The following THSD7B variants were observed in gnomAD, a reference collection of about 807,000 sequenced individuals.
THSD7B encodes the protein thrombospondin type-1 domain-containing protein 7B.
Under a neutral mutation model 213.6 loss-of-function variants are expected in THSD7B, and 138 were observed. The ratio of observed to expected loss-of-function variants is 0.65; its 90% confidence interval spans 0.56 to 0.74. THSD7B has a LOEUF of 0.74. Ranked by LOEUF, THSD7B falls within the 30% of genes least tolerant of loss-of-function variation. The pLI, the probability that THSD7B is intolerant of heterozygous loss-of-function variation, is 0.00. For synonymous variants in THSD7B, 742 were observed against 687.0 expected (o/e 1.08, Z -1.25); for missense variants, 1,931 against 1,991.5 (o/e 0.97, Z 0.58).
intron 26 of THSD7B, among the ~76,000 whole-genome samples, chr2:137,664,350 C>A (rs147306429): frequency 6.6e-6 from 1 of 152,132 alleles, no homozygotes; most frequent in African/African-American, 2.4e-5. Context: ...TTACTGGACC[C>A]ATGGCTTACA....
intron 2 of THSD7B, among the ~76,000 whole-genome samples, chr2:136,905,280 C>T (rs1309396552): frequency 2.0e-5 from 3 of 152,120 alleles, no homozygotes; most frequent in South Asian, 2.1e-4. Flanking sequence ...TTCCATGGTA[C>T]TTATTGTGTT....
intron 5 of THSD7B, among the ~76,000 whole-genome samples, chr2:137,159,598 G>A (rs779337278): frequency 2.0e-5 from 3 of 152,116 alleles, no homozygotes; most frequent in African/African-American, 7.2e-5. Context: ...TGCACACCAG[G>A]AAGAGACAGA....
rs577061694 is a variant in THSD7B at position 137,308,010 on chromosome 2, G to A, written c.2500+31984G>A. Among the ~76,000 whole-genome samples, 78 of 152,090 alleles carry A rather than the reference G, an allele frequency of 5.1e-4. 1 individual carries two copies. The Middle Eastern group carries it at 0.017, about 33-fold the overall frequency. On this transcript the variant is annotated intron_variant, in intron 12 of 27. Coordinates refer to ENST00000409968, the MANE Select transcript of THSD7B (RefSeq NM_001316349.2). ...ATAGGGCAACCATTTTCTACCATGC[G>A]AGTCCTTTATCAATCTATCCCGATG...
chr2:137,618,616 A>C, intron 19 of THSD7B, 109 bp downstream of exon 19: 4 of 996,334 alleles, frequency 4.0e-6, no homozygotes, highest in South Asian at 1.6e-5. Flanking sequence ...TTCTCATCTC[A>C]GCTTAGGTTC....
chr2:136,803,725 G>T (rs1682230525), intron 1 of THSD7B, among the ~76,000 whole-genome samples: 1 of 152,164 alleles, frequency 6.6e-6, no homozygotes, highest in African/African-American at 2.4e-5. Context: ...TCTTCACGCT[G>T]AAGAACATGG....
intron 12 of THSD7B, among the ~76,000 whole-genome samples, chr2:137,344,646 A>G (rs377147130): frequency 3.3e-5 from 5 of 151,624 alleles, no homozygotes; most frequent in Admixed American, 1.3e-4. Context: ...TTTGGAGGAG[A>G]TATCACCAGT....
chr2:137,510,208 A>G (rs1240629007), intron 15 of THSD7B, among the ~76,000 whole-genome samples: 1 of 152,026 alleles, frequency 6.6e-6, no homozygotes, highest in African/African-American at 2.4e-5. Context: ...TATTCTTTCT[A>G]TCTTCGATGA....
chr2:136,861,625 T>C (rs1385447678), intron 1 of THSD7B, among the ~76,000 whole-genome samples: 4 of 152,224 alleles, frequency 2.6e-5, no homozygotes, highest in Admixed American at 2.0e-4. Flanking sequence ...TAATCAAATG[T>C]CTACTCTGTA....
intron 12 of THSD7B, among the ~76,000 whole-genome samples, chr2:137,374,510 C>T (rs1002396107): frequency 2.0e-5 from 3 of 152,124 alleles, no homozygotes; most frequent in Admixed American, 1.3e-4. Flanking sequence ...CCATCTTTAT[C>T]GGTAAGTCCA....
intron 12 of THSD7B, among the ~76,000 whole-genome samples, chr2:137,291,917 C>T (rs960535229): frequency 6.6e-6 from 1 of 152,052 alleles, no homozygotes; most frequent in Non-Finnish European, 1.5e-5. Flanking sequence ...GCTTCTCTTT[C>T]TGTTTCTTTA....
At chr2:136,800,187 G>T (rs577325669) in intron 1 of THSD7B, among the ~76,000 whole-genome samples, 1 of 151,978 alleles carries the variant, frequency 6.6e-6, no homozygotes, top group East Asian at 1.9e-4. Context: ...CATTTACAGA[G>T]GATGTACTTT....
chr2:137,629,894 A>C (rs1682708035), intron 20 of THSD7B, among the ~76,000 whole-genome samples: 1 of 152,140 alleles, frequency 6.6e-6, no homozygotes, highest in South Asian at 2.1e-4. Context: ...TCTCACAAGC[A>C]TTTTTTGACT....
chr2:137,264,787 G>A (rs577379227), intron 10 of THSD7B, among the ~76,000 whole-genome samples: 24 of 151,136 alleles, frequency 1.6e-4, no homozygotes, highest in African/African-American at 4.4e-4. Flanking sequence ...GTTGAGGGAC[G>A]CAAAAGAGCC....
chr2:137,618,067 T>G (rs996210938), intron 18 of THSD7B, among the ~76,000 whole-genome samples: 24 of 152,186 alleles, frequency 1.6e-4, no homozygotes, highest in Admixed American at 1.5e-3. Context: ...CAACAAATAG[T>G]TGATTCTAAA....
At chr2:136,949,971 T>C (rs549842799) in intron 2 of THSD7B, among the ~76,000 whole-genome samples, 41 of 152,122 alleles carry the variant, frequency 2.7e-4, no homozygotes, top group Admixed American at 2.0e-4. Flanking sequence ...ATAAAGAAAA[T>C]GTGGCGGCCG....
intron 6 of THSD7B, among the ~76,000 whole-genome samples, chr2:137,164,268 T>C (rs1680077020): frequency 6.6e-6 from 1 of 152,160 alleles, no homozygotes; most frequent in African/African-American, 2.4e-5. Context: ...ACTCAGCCTT[T>C]GAAAAGGGCT....
chr2:137,375,539 T>G (rs1054575303), intron 12 of THSD7B, among the ~76,000 whole-genome samples: 2 of 152,204 alleles, frequency 1.3e-5, no homozygotes, highest in Non-Finnish European at 2.9e-5. Flanking sequence ...TGAGCTGTTC[T>G]TCATTAAAAA....
At chr2:137,490,051 A>G (rs1688570844) in intron 15 of THSD7B, among the ~76,000 whole-genome samples, 1 of 152,228 alleles carries the variant, frequency 6.6e-6, no homozygotes, top group African/African-American at 2.4e-5. Flanking sequence ...AATACATTGA[A>G]CATACCATAT....
At chr2:137,183,287 C>A (rs1047169890) in intron 7 of THSD7B, among the ~76,000 whole-genome samples, 4 of 152,020 alleles carry the variant, frequency 2.6e-5, no homozygotes, top group African/African-American at 9.7e-5. Flanking sequence ...TCTCACATAA[C>A]CATAGTTCAA....
Sources: allele counts gnomAD v4.1 joint callset (sites outside exome capture counted in the v4.1 genomes callset), GRCh38; gene constraint gnomAD v4.1.1; transcripts MANE v1.5; gene names NCBI Gene and HGNC (gene_info 2026-07-23, HGNC 2026-07-21).